Variants in MYMX observed in about 807,000 individuals in gnomAD.
MYMX encodes protein myomixer.
the MYMX span, among the ~76,000 whole-genome samples, chr6:44,197,416 C>T: frequency 6.6e-6 from 1 of 152,150 alleles, no homozygotes; most frequent in Admixed American, 6.5e-5. Flanking sequence ...GCCTGTAATG[C>T]CAGCTCCTCC....
upstream of MYMX, among the ~76,000 whole-genome samples, chr6:44,214,489 A>G (rs893581018): frequency 6.6e-6 from 1 of 152,176 alleles, no homozygotes; most frequent in Non-Finnish European, 1.5e-5. Flanking sequence ...GCTTTAGGTG[A>G]GTTGCTTAAC....
upstream of MYMX, among the ~76,000 whole-genome samples, chr6:44,212,575 A>C (rs978907656): frequency 6.6e-6 from 1 of 151,980 alleles, no homozygotes; most frequent in Non-Finnish European, 1.5e-5. Context: ...ATAAATATAA[A>C]CAATTATTTA....
At chr6:44,201,813 G>A in the MYMX span, among the ~76,000 whole-genome samples, 1 of 152,158 alleles carries the variant, frequency 6.6e-6, no homozygotes, top group South Asian at 2.1e-4. Context: ...TCCCATTTTA[G>A]GGAGGGGGAC....
the MYMX span, among the ~76,000 whole-genome samples, chr6:44,211,649 A>G: frequency 7.1e-6 from 1 of 141,688 alleles, no homozygotes; most frequent in East Asian, 2.0e-4. Context: ...ACGAAGTCTC[A>G]CTGTGTCGCC....
At chr6:44,200,078 G>A in the MYMX span, among the ~76,000 whole-genome samples, 3 of 151,976 alleles carry the variant, frequency 2.0e-5, no homozygotes, top group Non-Finnish European at 4.4e-5. Flanking sequence ...TGATGTGGGA[G>A]GATTGCTTGA....
the MYMX span, among the ~76,000 whole-genome samples, chr6:44,205,817 AG>A: frequency 6.6e-6 from 1 of 151,910 alleles, no homozygotes; most frequent in South Asian, 2.1e-4. Flanking sequence ...TCAAAAAAAA[AG>A]AAAAGAAAAA....
At chr6:44,212,407 AAAATAAAT>A (rs35574545), upstream of MYMX, among the ~76,000 whole-genome samples, 460 of 146,448 alleles carry the variant, frequency 3.1e-3, 2 homozygotes, top group Non-Finnish European at 5.1e-3. Context: ...CCTGTCTCAA[AAAATAAAT>A]AAATAAATAA....
the MYMX span, among the ~76,000 whole-genome samples, chr6:44,204,846 T>G: frequency 6.6e-6 from 1 of 152,168 alleles, no homozygotes; most frequent in Non-Finnish European, 1.5e-5. Context: ...AAATTAAAAA[T>G]GTTTTTCTCC....
upstream of MYMX, among the ~76,000 whole-genome samples, chr6:44,213,416 C>T (rs1336622164): frequency 1.4e-5 from 2 of 143,602 alleles, no homozygotes; most frequent in African/African-American, 5.9e-5. Flanking sequence ...GATTGCAAAA[C>T]GTTTTTCTTT....
At chr6:44,210,603 A>G in the MYMX span, among the ~76,000 whole-genome samples, 1 of 152,180 alleles carries the variant, frequency 6.6e-6, no homozygotes, top group Admixed American at 6.5e-5. Flanking sequence ...ATGTTTTATA[A>G]TATGTCTGTT....
At chr6:44,206,508 A>T in the MYMX span, among the ~76,000 whole-genome samples, 8 of 152,232 alleles carry the variant, frequency 5.3e-5, no homozygotes. Context: ...TTGGGGCTAC[A>T]GGCGTGAGCC....
At chr6:44,203,940 C>T in the MYMX span, among the ~76,000 whole-genome samples, 4 of 152,068 alleles carry the variant, frequency 2.6e-5, no homozygotes, top group African/African-American at 7.2e-5. Flanking sequence ...CTCTGCCTCC[C>T]GGGTTCAAGA....
chr6:44,196,171 G>A, the MYMX span, among the ~76,000 whole-genome samples: 1 of 152,114 alleles, frequency 6.6e-6, no homozygotes, highest in Admixed American at 6.6e-5. Context: ...TCAAACTCCT[G>A]CCTCGGCCTC....
the MYMX span, among the ~76,000 whole-genome samples, chr6:44,193,270 C>A: frequency 2.0e-5 from 3 of 150,534 alleles, no homozygotes; most frequent in East Asian, 5.8e-4. Context: ...GTTATGTTTT[C>A]TTTTTCTTTT....
upstream of MYMX, among the ~76,000 whole-genome samples, chr6:44,216,598 G>A (rs1775876295): frequency 6.7e-6 from 1 of 148,832 alleles, no homozygotes. Context: ...GTTGCAATGA[G>A]CCGAGATCCT....
the MYMX span, chr6:44,209,924 AGT>A: frequency 1.2e-4 from 14 of 121,040 alleles, no homozygotes; most frequent in African/African-American, 4.5e-4. Context: ...AAACAAAAAA[AGT>A]ATATATATAT....
the MYMX span, chr6:44,210,212 T>C: frequency 6.6e-6 from 1 of 152,212 alleles, no homozygotes; most frequent in Non-Finnish European, 1.5e-5. Context: ...CCCAAAGTGC[T>C]GGGATTACAG....
In MYMX at chr6:44,218,193, A is replaced by G. The variant is rs1306647356; in HGVS notation, c.*467A>G. 1 of 155,410 alleles carries G rather than the reference A, an allele frequency of 6.4e-6. No individual in the cohort carries two copies. Among genetic ancestry groups the G allele is most frequent in the Non-Finnish European group, 1.4e-5 (1 of 70,368 alleles). 9.6% of individuals were successfully genotyped at this position (155,410 alleles called of 1,614,324 possible). ...GGAGGCAGACCTGCCTGCAAAGCCC[A>G]GCACTCAGCAAGTGCTCAATAAATA... On this transcript the variant is annotated 3_prime_UTR_variant, in exon 2 of 2. Coordinates refer to ENST00000573382, the MANE Select transcript of MYMX (RefSeq NM_001315494.2).
chr6:44,194,770 C>T, the MYMX span, among the ~76,000 whole-genome samples: 47 of 152,180 alleles, frequency 3.1e-4, no homozygotes, highest in Non-Finnish European at 5.1e-4. Flanking sequence ...GAGCCAGAAA[C>T]TTGAGGGAGG....
Sources: gnomAD v4.1 joint callset for allele counts (sites outside exome capture counted in the v4.1 genomes callset) on GRCh38, gnomAD v4.1.1 for gene constraint, MANE v1.5 for transcripts, NCBI Gene and HGNC (gene_info 2026-07-23, HGNC 2026-07-21) for gene names.